CHLSN: variants seen among roughly 807,000 people sequenced by gnomAD.
CHLSN encodes cholesin, also known as protein cholesin.
the CHLSN span, chr7:1,077,653 G>A: frequency 6.6e-6 from 1 of 152,290 alleles, no homozygotes; most frequent in African/African-American, 2.4e-5. Flanking sequence ...TCCTACCAGG[G>A]CTAGTTTGAA....
At chr7:1,064,815 G>A in the CHLSN span, among the ~76,000 whole-genome samples, 1 of 152,204 alleles carries the variant, frequency 6.6e-6, no homozygotes, top group African/African-American at 2.4e-5. Context: ...AGCCCCTGCT[G>A]CCAGGCTCCA....
chr7:1,011,880 G>A, the CHLSN span, among the ~76,000 whole-genome samples: 1 of 152,326 alleles, frequency 6.6e-6, no homozygotes, highest in South Asian at 2.1e-4. Flanking sequence ...AGTCCCGGTG[G>A]GAAGGCCTGG....
At chr7:1,097,519 AAG>A in the CHLSN span, among the ~76,000 whole-genome samples, 32,900 of 152,110 alleles carry the variant, frequency 0.22, 3,738 homozygotes, top group African/African-American at 0.23. The surrounding 1 kb of genome is among the most constrained non-coding windows in gnomAD (Gnocchi z 4.3). Context: ...CATGAATGGG[AAG>A]AGTCTCGTTT....
chr7:1,091,043 C>G, the CHLSN span, among the ~76,000 whole-genome samples: 1 of 152,164 alleles, frequency 6.6e-6, no homozygotes, highest in Admixed American at 6.5e-5. Flanking sequence ...ATGCATTTTC[C>G]CCTCTCCTCA....
the CHLSN span, among the ~76,000 whole-genome samples, chr7:1,048,503 C>T: frequency 6.6e-6 from 1 of 152,134 alleles, no homozygotes; most frequent in Non-Finnish European, 1.5e-5. Context: ...TCCCCACACT[C>T]AGGCCCCCTC....
At chr7:988,464 C>T in the CHLSN span, 1 of 1,609,196 alleles carries the variant, frequency 6.2e-7, no homozygotes, top group South Asian at 1.1e-5. Flanking sequence ...TCCAGGGCTC[C>T]AGGGGTGGGA....
chr7:1,133,392 CAA>C, the CHLSN span, among the ~76,000 whole-genome samples: 14,260 of 90,800 alleles, frequency 0.16, 678 homozygotes, highest in Non-Finnish European at 0.17. Flanking sequence ...CGATATACTG[CAA>C]AAAAAAAAAA....
the CHLSN span, among the ~76,000 whole-genome samples, chr7:1,024,310 G>C: frequency 6.6e-6 from 1 of 152,140 alleles, no homozygotes; most frequent in Admixed American, 6.5e-5. Context: ...AGAGACGTGG[G>C]ACCAGGAATG....
the CHLSN span, chr7:1,057,935 C>A: frequency 1.3e-6 from 1 of 774,022 alleles, no homozygotes; most frequent in Non-Finnish European, 2.4e-6. Context: ...ACATGGCCAG[C>A]GTGTACAACA....
the CHLSN span, among the ~76,000 whole-genome samples, chr7:1,136,229 A>C: frequency 6.0e-5 from 7 of 117,176 alleles, no homozygotes; most frequent in East Asian, 2.0e-3. Flanking sequence ...AACATATATA[A>C]ATATATAAAA....
the CHLSN span, among the ~76,000 whole-genome samples, chr7:1,044,937 C>G: frequency 6.6e-6 from 1 of 152,376 alleles, no homozygotes; most frequent in South Asian, 2.1e-4. Flanking sequence ...GGCACAGCGC[C>G]GCCACCGGCT....
chr7:1,099,883 C>G, the CHLSN span, among the ~76,000 whole-genome samples: 1 of 152,230 alleles, frequency 6.6e-6, no homozygotes, highest in Non-Finnish European at 1.5e-5. Flanking sequence ...GTGCAGCAGA[C>G]GCACCTGACG....
chr7:1,135,980 T>C, the CHLSN span, among the ~76,000 whole-genome samples: 1 of 125,250 alleles, frequency 8.0e-6, no homozygotes, highest in South Asian at 2.2e-4. Context: ...TATATATAAA[T>C]ATATAAGCAT....
the CHLSN span, among the ~76,000 whole-genome samples, chr7:1,042,958 T>C: frequency 6.6e-5 from 10 of 152,052 alleles, no homozygotes; most frequent in Non-Finnish European, 1.5e-4. Context: ...CACAATTAAA[T>C]TTAAAATGCA....
the CHLSN span, among the ~76,000 whole-genome samples, chr7:1,073,195 T>C: frequency 6.6e-6 from 1 of 152,102 alleles, no homozygotes; most frequent in Admixed American, 6.5e-5. Flanking sequence ...TCACCCACTC[T>C]GCAGCTTCAC....
chr7:984,528 C>T, the CHLSN span: 107 of 1,553,898 alleles, frequency 6.9e-5, no homozygotes, highest in Middle Eastern at 1.7e-4. Flanking sequence ...AGGAGCTGGC[C>T]GACCGGCCTC....
the CHLSN span, among the ~76,000 whole-genome samples, chr7:996,301 G>A: frequency 1.1e-4 from 16 of 152,378 alleles, no homozygotes; most frequent in South Asian, 8.3e-4. Flanking sequence ...AGCTCTGTGC[G>A]TTGGTGGCAG....
At chr7:1,090,734 G>A in the CHLSN span, among the ~76,000 whole-genome samples, 7 of 152,266 alleles carry the variant, frequency 4.6e-5, no homozygotes, top group Non-Finnish European at 1.0e-4. Flanking sequence ...TCTCCCTGGA[G>A]TTTCTTCCTA....
At chr7:1,116,398 G>A in the CHLSN span, among the ~76,000 whole-genome samples, 20 of 133,500 alleles carry the variant, frequency 1.5e-4, 1 homozygote, top group East Asian at 2.7e-3. Flanking sequence ...GCCCACGCAG[G>A]ATGATGACAT....
Sources: gnomAD v4.1 joint callset for allele counts (sites outside exome capture counted in the v4.1 genomes callset) on GRCh38, gnomAD v4.1.1 for gene constraint, Gnocchi (gnomAD v3.1) non-coding constraint, MANE v1.5 for transcripts, NCBI Gene and HGNC (gene_info 2026-07-23, HGNC 2026-07-21) for gene names.